The following RPP14 variants were observed in gnomAD, a reference collection of about 807,000 sequenced individuals.
RPP14 encodes ribonuclease P protein subunit p14.
Under a neutral mutation model 17.8 loss-of-function variants are expected in RPP14, and 19 were observed. The observed-to-expected ratio is 1.07, with a 90% CI of 0.74 to 1.57. RPP14 has a LOEUF of 1.57. Ranked by LOEUF, RPP14 falls within the 40% of genes most tolerant of loss-of-function variation. The pLI, the probability that RPP14 is intolerant of heterozygous loss-of-function variation, is 0.00. For synonymous variants in RPP14, 60 were observed against 56.4 expected (o/e 1.06, Z -0.29); for missense variants, 125 against 140.8 (o/e 0.89, Z 0.57).
intron 5 of RPP14, 69 bp downstream of exon 5, chr3:58,317,062 A>G (rs2097489053): frequency 9.0e-7 from 1 of 1,115,290 alleles, no homozygotes; most frequent in African/African-American, 1.6e-5. Flanking sequence ...TAATATACAC[A>G]ACTCATTTTT....
intron 1 of RPP14, 118 bp from the exon 2 acceptor site, chr3:58,310,191 G>C: frequency 1.4e-6 from 1 of 709,642 alleles, no homozygotes; most frequent in Non-Finnish European, 2.4e-6. Context: ...TAGGTGACAG[G>C]GTGAGACCCT....
intron 3 of RPP14, among the ~76,000 whole-genome samples, chr3:58,312,144 G>GC (rs2097482911): frequency 2.0e-5 from 3 of 152,156 alleles, no homozygotes; most frequent in Non-Finnish European, 4.4e-5. Context: ...ATGAGCCACT[G>GC]CACCTGACCT....
intron 3 of RPP14, among the ~76,000 whole-genome samples, chr3:58,315,028 C>T (rs545094610): frequency 6.6e-6 from 1 of 152,196 alleles, no homozygotes; most frequent in South Asian, 2.1e-4. Flanking sequence ...CCATAGAACC[C>T]AGCATTAGCA....
At chr3:58,317,263 A>G (rs1247493438) in intron 5 of RPP14, among the ~76,000 whole-genome samples, 177 bp from the exon 6 acceptor site, 4 of 152,172 alleles carry the variant, frequency 2.6e-5, no homozygotes, top group Non-Finnish European at 4.4e-5. Context: ...TGTGTTATAT[A>G]TTGGTACGCT....
At position 58,306,975 on chromosome 3, in the gene RPP14, G is replaced by A. The variant is rs913789600; in HGVS notation, c.-22+558G>A. On this transcript the variant is annotated intron_variant, in intron 1 of 5. Transcript: ENST00000295959. ...TGGGGTGCGGTGTTAGCCGAGAAGG[G>A]CACTGGGCCAACCCGATTGAGATTT... Among the ~76,000 whole-genome samples, 3 of 152,242 alleles carry A rather than the reference G, an allele frequency of 2.0e-5. 1 individual carries two copies. In the South Asian group the frequency reaches 6.2e-4, roughly 31 times the overall value.
At chr3:58,311,228 C>A (rs1236472952) in intron 3 of RPP14, among the ~76,000 whole-genome samples, 1 of 152,110 alleles carries the variant, frequency 6.6e-6, no homozygotes, top group Non-Finnish European at 1.5e-5. Flanking sequence ...ATTCTTGGCT[C>A]ACTGCAGCCT....
At chr3:58,307,599 G>A (rs1291945329) in intron 1 of RPP14, among the ~76,000 whole-genome samples, 2 of 152,112 alleles carry the variant, frequency 1.3e-5, no homozygotes, top group East Asian at 1.9e-4. Context: ...GATGACGTAC[G>A]CCTGTAATCC....
rs1056493585 is a variant in RPP14, at chr3:58,312,546, G to A, written c.162+1955G>A. Among the ~76,000 whole-genome samples the A allele has an allele frequency of 3.0e-4, 45 of 152,242 alleles. 1 individual carries two copies. In the East Asian group the frequency reaches 6.4e-3, roughly 22 times the overall value. On this transcript the variant is annotated intron_variant, in intron 3 of 5. Transcript: ENST00000295959. ...ATGCCTTCTGTTTGACAAGGAACACGTTAGACAAATGATTGTTGTAGCACA... is the reference window on the plus strand; with the variant it reads ...ATGCCTTCTGTTTGACAAGGAACACATTAGACAAATGATTGTTGTAGCACA...
rs1239630166 is a variant in RPP14, at chr3:58,318,035, C to T, written c.*539C>T. On this transcript the variant is annotated 3_prime_UTR_variant, in exon 6 of 6. Transcript: ENST00000295959. Reference sequence around the variant, plus strand: ...CTGAAGCGGTTCATTGCTATTATTGCAGTGTCATGTTCTGTAATAGAAAGT... The same window carrying T: ...CTGAAGCGGTTCATTGCTATTATTGTAGTGTCATGTTCTGTAATAGAAAGT... 1.3e-5 allele frequency: 9 copies of T among 702,466 alleles called. No homozygotes were observed. The East Asian group carries it at 2.1e-4, about 17-fold the overall frequency. 43.5% of individuals were successfully genotyped at this position (702,466 alleles called of 1,614,324 possible).
chr3:58,318,335 TG>T lies in RPP14; in HGVS notation c.*842del, dbSNP rs777076869. The T allele has an allele frequency of 2.3e-6, 1 of 430,472 alleles. No individual in the cohort carries two copies. Among genetic ancestry groups the T allele is most frequent in the Non-Finnish European group, 4.1e-6 (1 of 244,706 alleles). 26.7% of individuals were successfully genotyped at this position (430,472 alleles called of 1,614,324 possible). On this transcript the variant is annotated 3_prime_UTR_variant, in exon 6 of 6. Coordinates refer to ENST00000295959, the MANE Select transcript of RPP14 (RefSeq NM_007042.6). Reference sequence around the variant, plus strand: ...TGTATGCAGGATTTCATTATCTGCCTGGGTTTTTTGTTTGTTTTTTGTTTTT... The same window carrying T: ...TGTATGCAGGATTTCATTATCTGCCTGGTTTTTTGTTTGTTTTTTGTTTTT...
In RPP14 at chr3:58,310,671, GC is replaced by G; in HGVS notation, c.162+82del. On this transcript the variant is annotated intron_variant, in intron 3 of 5. Coordinates refer to ENST00000295959, the MANE Select transcript of RPP14 (RefSeq NM_007042.6). Reference sequence around the variant, plus strand: ...AAAGAGGCCGGGCGCGGTAGCTCACGCCTGTAATCCCAGCACTTTGGAGGCC... The same window carrying G: ...AAAGAGGCCGGGCGCGGTAGCTCACGCTGTAATCCCAGCACTTTGGAGGCC... The G allele has an allele frequency of 2.4e-6, 3 of 1,226,776 alleles. No homozygotes were observed. In the East Asian group the frequency reaches 7.1e-5, roughly 29 times the overall value. The allele number at this position is 1,226,776 out of a possible 1,614,324, so 76.0% of individuals were successfully genotyped here.
chr3:58,318,253 G>A lies in RPP14; in HGVS notation c.*757G>A. 1.7e-6 allele frequency: 1 copy of A among 571,668 alleles called. No individual in the cohort carries two copies. Among genetic ancestry groups the A allele is most frequent in the Admixed American group, 3.5e-5 (1 of 28,892 alleles). 35.4% of individuals were successfully genotyped at this position (571,668 alleles called of 1,614,324 possible). A position where few individuals can be genotyped will look rare whatever the true frequency, so the allele number is the denominator to read the frequency against. The stretch of plus-strand genomic sequence containing the variant: ...CTTAGTTAGGGGAAGGGAGCAGGAA[G>A]AGGGTTGTTCAAATGCCCACTTTCC... On this transcript the variant is annotated 3_prime_UTR_variant, in exon 6 of 6. Coordinates refer to ENST00000295959, the MANE Select transcript of RPP14 (RefSeq NM_007042.6).
intron 1 of RPP14, among the ~76,000 whole-genome samples, chr3:58,307,372 G>T (rs1215295257): frequency 1.3e-5 from 2 of 152,162 alleles, no homozygotes; most frequent in African/African-American, 4.8e-5. Context: ...GGAGTAGGGA[G>T]AATCAGATTT....
At chr3:58,317,270 C>T (rs549206810) in intron 5 of RPP14, among the ~76,000 whole-genome samples, 170 bp from the exon 6 acceptor site, 44 of 152,218 alleles carry the variant, frequency 2.9e-4, no homozygotes, top group South Asian at 1.5e-3. Flanking sequence ...TATATTGGTA[C>T]GCTCTTTTTG....
At chr3:58,315,837 C>G (rs1347388524) in intron 3 of RPP14, 1 of 152,236 alleles carries the variant, frequency 6.6e-6, no homozygotes, top group Admixed American at 6.5e-5. Flanking sequence ...CCACCACACC[C>G]GGCTAATTTT....
chr3:58,310,043 T>C, intron 1 of RPP14: 1 of 366,968 alleles, frequency 2.7e-6, no homozygotes, highest in Admixed American at 4.3e-5. Flanking sequence ...CTACAAAAAA[T>C]ACAAAAATCT....
intron 3 of RPP14, among the ~76,000 whole-genome samples, chr3:58,312,215 C>T (rs1486616679): frequency 6.6e-6 from 1 of 152,132 alleles, no homozygotes; most frequent in African/African-American, 2.4e-5. Context: ...ATTTACATTC[C>T]TCCCAGTAGT....
At chr3:58,313,105 C>T (rs924418575) in intron 3 of RPP14, among the ~76,000 whole-genome samples, 4 of 150,984 alleles carry the variant, frequency 2.6e-5, no homozygotes, top group African/African-American at 7.3e-5. Flanking sequence ...CTACTAAAAA[C>T]ACAAAAAGCC....
chr3:58,306,920 G>A (rs969444329), intron 1 of RPP14, among the ~76,000 whole-genome samples: 1 of 152,170 alleles, frequency 6.6e-6, no homozygotes, highest in Non-Finnish European at 1.5e-5. Context: ...CAAATGCTAC[G>A]AAGAAGAAAG....
Sources: gnomAD v4.1 joint callset for allele counts (sites outside exome capture counted in the v4.1 genomes callset) on GRCh38, gnomAD v4.1.1 for gene constraint, MANE v1.5 for transcripts, NCBI Gene and HGNC (gene_info 2026-07-23, HGNC 2026-07-21) for gene names.